Variants in GBGT1 observed in about 807,000 individuals in gnomAD.
GBGT1 encodes globoside alpha-1,3-N-acetylgalactosaminyltransferase 1 (FORS blood group), also known as globoside alpha-1,3-N-acetylgalactosaminyltransferase 1.
GBGT1 carries 18 observed loss-of-function variants against 20.9 expected under a neutral mutation model. The ratio of observed to expected loss-of-function variants is 0.86; its 90% CI spans 0.60 to 1.28. GBGT1 has a LOEUF of 1.28. Among genes scored for constraint, GBGT1 ranks in the 50% most tolerant of loss-of-function variants. The probability of loss-of-function intolerance (pLI) is 0.00; values close to 1 mark genes in which losing one functional copy is unlikely to be tolerated. For synonymous variants in GBGT1, 168 were observed against 180.8 expected, an observed-to-expected ratio of 0.93 and a Z score of 0.57; for missense variants, 432 against 455.7, an observed-to-expected ratio of 0.95 and a Z score of 0.47.
Position 133,153,172 on chromosome 9 carries a change from T to C in GBGT1, c.*405A>G, listed in dbSNP as rs1832752905. The C allele has an allele frequency of 1.3e-5, 2 of 157,662 alleles. No homozygotes were observed. Among genetic ancestry groups the C allele is most frequent in the South Asian group, 2.0e-4 (1 of 4,910 alleles). 9.8% of individuals were successfully genotyped at this position (157,662 alleles called of 1,614,324 possible). A position where few individuals can be genotyped will look rare whatever the true frequency, so the allele number is the denominator to read the frequency against. On this transcript the variant is annotated 3_prime_UTR_variant, in exon 7 of 7. Coordinates refer to ENST00000372040, the MANE Select transcript of GBGT1 (RefSeq NM_021996.6). ...GACCCCTGTGACCAGAGAAAAGGGG[T>C]CTAGGGCGCCTTCACACCAGGGTAT...
chr9:133,163,902 A>G lies in GBGT1; in HGVS notation c.-269T>C, dbSNP rs1254366571. ...AGGGCAGGCAGCGGGGCCGCGGGCC[A>G]GACAGAAAAGAGGAAGACAGACAGG... is the stretch of plus-strand genomic sequence containing the variant. On this transcript the variant is annotated 5_prime_UTR_variant, in exon 1 of 7. Coordinates refer to ENST00000372040, the MANE Select transcript of GBGT1 (RefSeq NM_021996.6). The G allele has an allele frequency of 6.6e-6, 1 of 152,586 alleles. No homozygotes were observed. Among genetic ancestry groups the G allele is most frequent in the Non-Finnish European group, 1.5e-5 (1 of 68,350 alleles). 9.5% of individuals were successfully genotyped at this position (152,586 alleles called of 1,614,324 possible). A position where few individuals can be genotyped will look rare whatever the true frequency, so the allele number is the denominator to read the frequency against.
intron 3 of GBGT1, among the ~76,000 whole-genome samples, chr9:133,157,258 T>C (rs979198221): frequency 7.8e-5 from 11 of 141,282 alleles, no homozygotes; most frequent in East Asian, 2.1e-4. Context: ...CACTCCAGCC[T>C]GGGCCACCCA....
At chr9:133,158,298 A>T (rs1832933413) in intron 3 of GBGT1, among the ~76,000 whole-genome samples, 1 of 151,960 alleles carries the variant, frequency 6.6e-6, no homozygotes, top group Admixed American at 6.6e-5. Context: ...TTCTTTTTTG[A>T]GGTGGGGTCT....
chr9:133,154,905 A>T lies in GBGT1; in HGVS notation c.359+273T>A. ...GGCAGAGGAGGGGTCTAGATGAAAC[A>T]GGGAGGGGCAAGGGGGCCTCCTGAC... On this transcript the variant is annotated intron_variant, in intron 6 of 6. Coordinates refer to ENST00000372040, the MANE Select transcript of GBGT1 (RefSeq NM_021996.6). This position sits in a 1 kb window ranked among gnomAD's most constrained non-coding sequence, Gnocchi z 4.2. 1 of 412,234 alleles carries T rather than the reference A, an allele frequency of 2.4e-6. No homozygotes were observed. The highest frequency in any genetic ancestry group is 4.3e-6 in the Non-Finnish European group (1 of 229,944). 25.5% of individuals were successfully genotyped at this position (412,234 alleles called of 1,614,324 possible). A position where few individuals can be genotyped will look rare whatever the true frequency, so the allele number is the denominator to read the frequency against.
rs1392645977 is a variant in GBGT1 at position 133,161,501 on chromosome 9, A to C, written c.103T>G (p.Tyr35Asp). The change falls in exon 3 of 7, where the codon TAT becomes GAT. Residue 35 changes from tyrosine to aspartate, a missense_variant. Tyr to Asp is a radical substitution (Grantham distance 160, BLOSUM62 -3). Transcript: ENST00000372040. ...VYLENWLPVS[Y>D]VPYYLPCPEI... Reference sequence around the variant, plus strand: ...GGGCAGGGGAGATAATAGGGGACATAGGAGACTGGCAGCCAGTTCTCAAGA... The same window carrying C: ...GGGCAGGGGAGATAATAGGGGACATCGGAGACTGGCAGCCAGTTCTCAAGA... The C allele has an allele frequency of 1.2e-6, 2 of 1,611,476 alleles. No homozygotes were observed. Among genetic ancestry groups the C allele is most frequent in the Non-Finnish European group, 1.7e-6 (2 of 1,178,456 alleles).
At chr9:133,156,107 G>A in intron 3 of GBGT1, 42 bp from the exon 4 acceptor site, 3 of 1,609,572 alleles carry the variant, frequency 1.9e-6, no homozygotes, top group South Asian at 2.2e-5. Context: ...ATGGGTCTGG[G>A]GACAGAGACA....
Position 133,153,347 on chromosome 9 carries a change from C to T in GBGT1, c.*230G>A. Reference sequence around the variant, plus strand: ...AGCCTGCCGGGCCCTGCCTTTGTAACTGCGCCTCCCCTCCCCCTGTCTCAC... The same window carrying T: ...AGCCTGCCGGGCCCTGCCTTTGTAATTGCGCCTCCCCTCCCCCTGTCTCAC... On this transcript the variant is annotated 3_prime_UTR_variant, in exon 7 of 7. Coordinates refer to ENST00000372040, the MANE Select transcript of GBGT1 (RefSeq NM_021996.6). The T allele has an allele frequency of 2.6e-6, 1 of 386,406 alleles. No individual in the cohort carries two copies. The highest frequency in any genetic ancestry group is 4.6e-6 in the Non-Finnish European group (1 of 217,922). 23.9% of individuals were successfully genotyped at this position (386,406 alleles called of 1,614,324 possible).
At chr9:133,159,976 C>T (rs970465311) in intron 3 of GBGT1, 3 of 152,760 alleles carry the variant, frequency 2.0e-5, no homozygotes, top group African/African-American at 7.4e-5. Context: ...ATGAGAGTCT[C>T]ACTAGTAATA....
At position 133,153,260 on chromosome 9, in the gene GBGT1, ACT is replaced by A. The variant is rs1832756550; in HGVS notation, c.*315_*316del. 2 of 279,868 alleles carry A rather than the reference ACT, an allele frequency of 7.1e-6. No individual in the cohort carries two copies. The highest frequency in any genetic ancestry group is 6.7e-6 in the Non-Finnish European group (1 of 150,118). The allele number at this position is 279,868 out of a possible 1,614,324, so 17.3% of individuals were successfully genotyped here. On this transcript the variant is annotated 3_prime_UTR_variant, in exon 7 of 7. Transcript: ENST00000372040. Reference sequence around the variant, plus strand: ...GGGACTGGCGCGGCAGGGTTCAGGCACTCTGAGTCGGGCTGAGGCTTCAGAGC... The same window carrying A: ...GGGACTGGCGCGGCAGGGTTCAGGCACTGAGTCGGGCTGAGGCTTCAGAGC...
Position 133,161,243 on chromosome 9 carries a change from G to C in GBGT1, c.137+224C>G. 1.2e-5 allele frequency: 6 copies of C among 504,290 alleles called. No homozygotes were observed. The South Asian group carries it at 1.4e-4, about 12-fold the overall frequency. The allele number at this position is 504,290 out of a possible 1,614,324, so 31.2% of individuals were successfully genotyped here. Reference sequence around the variant, plus strand: ...GCTCACAGCTGTGCAACATGTGGACGGTCAGACCATGCAGGGGGCTGCAAG... The same window carrying C: ...GCTCACAGCTGTGCAACATGTGGACCGTCAGACCATGCAGGGGGCTGCAAG... On this transcript the variant is annotated intron_variant, in intron 3 of 6. Transcript: ENST00000372040.
chr9:133,155,932 G>A lies in GBGT1; in HGVS notation c.193C>T (p.Gln65Ter), dbSNP rs1476777298. The change falls in exon 5 of 7, where the codon CAG becomes TAG. Residue 65 changes from glutamine (Q) to a stop codon, truncating the protein, a stop_gained. Transcript: ENST00000372040. LOFTEE classifies it high-confidence loss of function. Reference sequence around the variant, plus strand: ...TCCAGCAGCTTGGGCTGAGGGTACTGTGACCTGCAACCAAGAAGGACCAGT... The same window carrying A: ...TCCAGCAGCTTGGGCTGAGGGTACTATGACCTGCAACCAAGAAGGACCAGT... ...EKPLQPVVWS[Q>*]YPQPKLLEHR... The A allele has an allele frequency of 1.9e-6, 3 of 1,614,206 alleles. No individual in the cohort carries two copies. The highest frequency in any genetic ancestry group is 2.5e-6 in the Non-Finnish European group (3 of 1,180,020).
In GBGT1 at chr9:133,157,265, C is replaced by T. The variant is rs1271691735; in HGVS notation, c.138-1200G>A. On this transcript the variant is annotated intron_variant, in intron 3 of 6. Coordinates refer to ENST00000372040, the MANE Select transcript of GBGT1 (RefSeq NM_021996.6). ...CACTACTGCACTCCAGCCTGGGCCA[C>T]CCACAAAGTGAGACCCTGTCTCAAA... Among the ~76,000 whole-genome samples, 3 of 149,984 alleles carry T rather than the reference C, an allele frequency of 2.0e-5. 1 individual carries two copies. In the South Asian group the frequency reaches 6.3e-4, roughly 32 times the overall value.
At position 133,153,463 on chromosome 9, in the gene GBGT1, G is replaced by C. The variant is rs1055318418; in HGVS notation, c.*114C>G. 1 of 727,774 alleles carries C rather than the reference G, an allele frequency of 1.4e-6. No individual in the cohort carries two copies. Among genetic ancestry groups the C allele is most frequent in the African/African-American group, 1.8e-5 (1 of 56,414 alleles). The allele number at this position is 727,774 out of a possible 1,614,324, so 45.1% of individuals were successfully genotyped here. On this transcript the variant is annotated 3_prime_UTR_variant, in exon 7 of 7. Transcript: ENST00000372040. The stretch of plus-strand genomic sequence containing the variant: ...AGTGGCCTTTCCACGTCCCTTTTCC[G>C]GTTGAATTCGCCTGACTGACAGGGA...
chr9:133,153,549 C>A lies in GBGT1; in HGVS notation c.*28G>T. On this transcript the variant is annotated 3_prime_UTR_variant, in exon 7 of 7. Transcript: ENST00000372040. ...CTGGTGGCTGCAGGTCTTTGGGTCC[C>A]CATCCATGGCAACCCCCAGCTCCGT... is the stretch of plus-strand genomic sequence containing the variant. 6.7e-7 allele frequency: 1 copy of A among 1,491,706 alleles called. No homozygotes were observed. The highest frequency in any genetic ancestry group is 1.3e-5 in the South Asian group (1 of 74,696). 92.4% of individuals were successfully genotyped at this position (1,491,706 alleles called of 1,614,324 possible). A position where few individuals can be genotyped will look rare whatever the true frequency, so the allele number is the denominator to read the frequency against.
intron 3 of GBGT1, 87 bp downstream of exon 3, chr9:133,161,380 G>T: frequency 1.4e-6 from 1 of 713,096 alleles, no homozygotes; most frequent in Non-Finnish European, 2.4e-6. Flanking sequence ...GGAACCGGCA[G>T]ATGAAGTGAA....
chr9:133,154,417 C>A lies in GBGT1; in HGVS notation c.360-156G>T. On this transcript the variant is annotated intron_variant, in intron 6 of 6. Transcript: ENST00000372040. The surrounding 1 kb of genome is among the most constrained non-coding windows in gnomAD (Gnocchi z 4.2). ...TCTGGGTCCTCATTTGTCCAATTCC[C>A]AAAATGCTAGTACCAGCCTCTTACG... 1 of 491,182 alleles carries A rather than the reference C, an allele frequency of 2.0e-6. No individual in the cohort carries two copies. The highest frequency in any genetic ancestry group is 3.6e-6 in the Non-Finnish European group (1 of 278,488). 30.4% of individuals were successfully genotyped at this position (491,182 alleles called of 1,614,324 possible). A position where few individuals can be genotyped will look rare whatever the true frequency, so the allele number is the denominator to read the frequency against.
chr9:133,153,757 G>A lies in GBGT1; in HGVS notation c.864C>T (p.Ala288=). 4 of 1,611,912 alleles carry A rather than the reference G, an allele frequency of 2.5e-6. No homozygotes were observed. In the South Asian group the frequency reaches 3.3e-5, roughly 13 times the overall value. ...CCCGCCAGGCAGCCATGATGCCATT[G>A]GCCTTGTCCGCCAGGATGGCCATGT... ...GCHMAILADK[A]NGIMAAWREE... Residue 288 remains alanine (A), a synonymous_variant, in exon 7 of 7, where the codon GCC becomes GCT. Coordinates refer to ENST00000372040, the MANE Select transcript of GBGT1 (RefSeq NM_021996.6).
At position 133,153,385 on chromosome 9, in the gene GBGT1, G is replaced by A. The variant is rs553888726; in HGVS notation, c.*192C>T. On this transcript the variant is annotated 3_prime_UTR_variant, in exon 7 of 7. Transcript: ENST00000372040. ...CCCCCTGTCTCACTGTTCCCATGCCGCGTTACTGTGAGATCCTGTGTGCTA... is the reference window on the plus strand; with the variant it reads ...CCCCCTGTCTCACTGTTCCCATGCCACGTTACTGTGAGATCCTGTGTGCTA... The A allele has an allele frequency of 9.8e-6, 4 of 406,648 alleles. No individual in the cohort carries two copies. The highest frequency in any genetic ancestry group is 2.0e-5 in the African/African-American group (1 of 48,846). The allele number at this position is 406,648 out of a possible 1,614,324, so 25.2% of individuals were successfully genotyped here.
chr9:133,155,137 C>G (rs1473668157), intron 6 of GBGT1, 41 bp downstream of exon 6: 1 of 1,582,688 alleles, frequency 6.3e-7, no homozygotes, highest in Middle Eastern at 1.7e-4. Context: ...ACTCCTGTGG[C>G]TCAGGGAGAC....
Sources: allele counts gnomAD v4.1 joint callset (sites outside exome capture counted in the v4.1 genomes callset), GRCh38; gene constraint gnomAD v4.1.1; non-coding constraint Gnocchi (gnomAD v3.1); transcripts MANE v1.5; gene names NCBI Gene and HGNC (gene_info 2026-07-23, HGNC 2026-07-21).